The following PLD5 variants were observed in gnomAD, a reference collection of about 807,000 sequenced individuals.
The protein encoded by PLD5 is phospholipase D family member 5, also known as inactive phospholipase D5.
A neutral mutation model predicts 61.1 loss-of-function variants in PLD5; 36 were observed. The ratio of observed to expected loss-of-function variants is 0.59; its 90% CI spans 0.45 to 0.78. The LOEUF is 0.78. Among genes scored for constraint, PLD5 ranks in the 30% least tolerant of loss-of-function variants. The probability of loss-of-function intolerance (pLI) is 0.00; values close to 1 mark genes in which losing one functional copy is unlikely to be tolerated. For synonymous variants in PLD5, 243 were observed against 242.8 expected (o/e 1.00, Z -0.01); for missense variants, 515 against 644.4 (o/e 0.80, Z 2.17).
chr1:242,455,846 C>A (rs1305281915), intron 1 of PLD5, among the ~76,000 whole-genome samples: 1 of 152,192 alleles, frequency 6.6e-6, no homozygotes, highest in Non-Finnish European at 1.5e-5. Context: ...GGTCCTTGAA[C>A]CGCAGTTATG....
intron 5 of PLD5, among the ~76,000 whole-genome samples, chr1:242,186,163 G>A (rs1382673566): frequency 2.1e-5 from 1 of 47,986 alleles, no homozygotes; most frequent in Non-Finnish European, 3.4e-5. Context: ...AAGGAATGAA[G>A]AGAGATATAT....
At chr1:242,310,070 C>A (rs1676612773) in intron 2 of PLD5, among the ~76,000 whole-genome samples, 3 of 151,502 alleles carry the variant, frequency 2.0e-5, no homozygotes, top group Non-Finnish European at 2.9e-5. Context: ...TTTTTTCCAG[C>A]AAAAAGTCAT....
intron 2 of PLD5, 127 bp downstream of exon 2, chr1:242,347,979 C>A (rs1033992187): frequency 6.3e-5 from 74 of 1,181,934 alleles, no homozygotes; most frequent in Non-Finnish European, 8.3e-5. Flanking sequence ...AGACTCACAC[C>A]TCAGCTTAAG....
At chr1:242,245,017 A>C (rs1300905871) in intron 4 of PLD5, among the ~76,000 whole-genome samples, 1 of 152,208 alleles carries the variant, frequency 6.6e-6, no homozygotes, top group Non-Finnish European at 1.5e-5. Flanking sequence ...CACTCAGCTT[A>C]TGAGTAAGTT....
At chr1:242,103,747 C>T (rs183169935) in intron 8 of PLD5, among the ~76,000 whole-genome samples, 1 of 152,220 alleles carries the variant, frequency 6.6e-6, no homozygotes, top group Non-Finnish European at 1.5e-5. Flanking sequence ...GAAAACAGAT[C>T]TGTGGTAGTA....
Position 242,368,354 on chromosome 1 carries a change from T to G in PLD5, c.190-20112A>C, listed in dbSNP as rs191224628. Among the ~76,000 whole-genome samples the G allele has an allele frequency of 1.9e-3, 293 of 152,046 alleles. 2 individuals carry two copies. The highest frequency in any genetic ancestry group is 6.7e-3 in the African/African-American group (276 of 41,466). On this transcript the variant is annotated intron_variant, in intron 1 of 9. Coordinates refer to ENST00000536534, the MANE Select transcript of PLD5 (RefSeq NM_001372062.1). ...AGCAGCCTCATTGTCTGGGGTGATATTCAACGTTCACTGTCTCATAGCCAT... is the reference window on the plus strand; with the variant it reads ...AGCAGCCTCATTGTCTGGGGTGATAGTCAACGTTCACTGTCTCATAGCCAT...
chr1:242,523,595 A>G (rs1269109353), intron 1 of PLD5, among the ~76,000 whole-genome samples: 1 of 152,198 alleles, frequency 6.6e-6, no homozygotes, highest in Non-Finnish European at 1.5e-5. Context: ...ACACTCTGCA[A>G]AAAACTCTAA....
At chr1:242,462,861 C>T (rs999017610) in intron 1 of PLD5, among the ~76,000 whole-genome samples, 5 of 152,206 alleles carry the variant, frequency 3.3e-5, no homozygotes, top group African/African-American at 1.2e-4. Flanking sequence ...CCATTATCCA[C>T]TGATTCCTGA....
At chr1:242,166,365 T>C (rs1275167525) in intron 5 of PLD5, among the ~76,000 whole-genome samples, 1 of 152,188 alleles carries the variant, frequency 6.6e-6, no homozygotes, top group Non-Finnish European at 1.5e-5. Context: ...TCCCCTTCAT[T>C]TCCTGTTTAG....
chr1:242,108,073 C>T (rs1661205385), intron 7 of PLD5, among the ~76,000 whole-genome samples: 1 of 152,078 alleles, frequency 6.6e-6, no homozygotes. Flanking sequence ...CCACCAGGTC[C>T]TTGGGCTGTG....
chr1:242,349,950 A>C (rs12125478), intron 1 of PLD5, among the ~76,000 whole-genome samples: 8,521 of 152,138 alleles, frequency 0.056, 318 homozygotes, highest in Middle Eastern at 0.092. Flanking sequence ...GGGTTGGAAG[A>C]CTGCTTGATT....
intron 6 of PLD5, among the ~76,000 whole-genome samples, chr1:242,117,417 TG>T (rs1662032635): frequency 2.0e-5 from 3 of 151,990 alleles, no homozygotes; most frequent in African/African-American, 7.3e-5. Flanking sequence ...AGTCTTGCTC[TG>T]TTGCCCAGGC....
intron 1 of PLD5, among the ~76,000 whole-genome samples, chr1:242,444,335 T>C (rs79688609): frequency 2.0e-3 from 302 of 152,264 alleles, no homozygotes; most frequent in African/African-American, 6.7e-3. Flanking sequence ...CTTTATTCTA[T>C]GTGCTTTAGT....
At chr1:242,290,047 G>A (rs1164756415) in intron 2 of PLD5, among the ~76,000 whole-genome samples, 1 of 150,784 alleles carries the variant, frequency 6.6e-6, no homozygotes, top group African/African-American at 2.4e-5. Flanking sequence ...TATAAGCACA[G>A]GGCAGGCAAA....
At chr1:242,181,796 C>A (rs1374483955) in intron 5 of PLD5, among the ~76,000 whole-genome samples, 1 of 152,036 alleles carries the variant, frequency 6.6e-6, no homozygotes, top group Non-Finnish European at 1.5e-5. Context: ...GCACTCACCA[C>A]CATGCCTAGC....
intron 1 of PLD5, 143 bp from the exon 2 acceptor site, chr1:242,348,385 T>G: frequency 5.5e-6 from 5 of 903,064 alleles, no homozygotes; most frequent in Non-Finnish European, 8.1e-6. Flanking sequence ...TATTCTCTAG[T>G]GAACATGCCA....
chr1:242,353,253 A>C (rs1361292245), intron 1 of PLD5, among the ~76,000 whole-genome samples: 2 of 152,108 alleles, frequency 1.3e-5, no homozygotes, highest in Non-Finnish European at 2.9e-5. Flanking sequence ...CAGTTTTCCC[A>C]ATACCATTTA....
chr1:242,362,826 CT>C (rs1217784770), intron 1 of PLD5, among the ~76,000 whole-genome samples: 3 of 151,952 alleles, frequency 2.0e-5, no homozygotes, highest in East Asian at 3.9e-4. Flanking sequence ...TCCTGAGGGA[CT>C]TTAATTTACT....
At chr1:242,282,438 A>G (rs1264744318) in intron 3 of PLD5, among the ~76,000 whole-genome samples, 2 of 151,904 alleles carry the variant, frequency 1.3e-5, no homozygotes, top group Non-Finnish European at 2.9e-5. Flanking sequence ...CCCAAAAACA[A>G]CCTCTTGGAT....
Sources: allele counts gnomAD v4.1 joint callset (sites outside exome capture counted in the v4.1 genomes callset), GRCh38; gene constraint gnomAD v4.1.1; transcripts MANE v1.5; gene names NCBI Gene and HGNC (gene_info 2026-07-23, HGNC 2026-07-21).